The following GHR variants were observed in gnomAD, a reference collection of about 807,000 sequenced individuals.
GHR encodes GH receptor.
A neutral mutation model predicts 67.1 loss-of-function variants in GHR; 35 were observed. The observed-to-expected ratio is 0.52, with a 90% CI of 0.40 to 0.69. The LOEUF (loss-of-function observed/expected upper bound fraction) is 0.69. Ranked by LOEUF, GHR falls within the 30% of genes least tolerant of loss-of-function variation. The pLI is 0.00. For synonymous variants in GHR, 272 were observed against 269.1 expected (o/e 1.01, Z -0.10); for missense variants, 792 against 764.6 (o/e 1.04, Z -0.42).
At chr5:42,636,576 A>G (rs563815840) in intron 3 of GHR, among the ~76,000 whole-genome samples, 2 of 141,168 alleles carry the variant, frequency 1.4e-5, no homozygotes, top group South Asian at 2.1e-4. Context: ...TTCTGCACAC[A>G]TGAGTCTCTC....
At chr5:42,633,989 C>CT (rs1377945482) in intron 3 of GHR, among the ~76,000 whole-genome samples, 1 of 152,110 alleles carries the variant, frequency 6.6e-6, no homozygotes, top group East Asian at 1.9e-4. Context: ...GAATTGTAGC[C>CT]TTTTTTTCCT....
At chr5:42,485,571 G>A (rs1464532650) in intron 1 of GHR, among the ~76,000 whole-genome samples, 1 of 152,158 alleles carries the variant, frequency 6.6e-6, no homozygotes, top group Non-Finnish European at 1.5e-5. Context: ...ACTTCACTCT[G>A]AATATGGTGA....
chr5:42,718,402 A>C lies in GHR; in HGVS notation c.946-51A>C. ...CTGAACATTATTTGCTAATTCATTT[A>C]ATTATTATGAGTTTCTTTTCATAGA... On this transcript the variant is annotated intron_variant, in intron 9 of 9. Coordinates refer to ENST00000230882, the MANE Select transcript of GHR (RefSeq NM_000163.5). 3.0e-6 allele frequency: 4 copies of C among 1,320,516 alleles called. No homozygotes were observed. In the South Asian group the frequency reaches 4.7e-5, roughly 16 times the overall value. 81.8% of individuals were successfully genotyped at this position (1,320,516 alleles called of 1,614,324 possible).
intron 3 of GHR, among the ~76,000 whole-genome samples, chr5:42,681,502 T>A (rs1756868608): frequency 6.6e-6 from 1 of 152,206 alleles, no homozygotes; most frequent in Non-Finnish European, 1.5e-5. Context: ...GCTTTTACAC[T>A]GTTGGTGGGA....
Position 42,665,461 on chromosome 5 carries a change from T to C in GHR, c.137-23429T>C, listed in dbSNP as rs992048283. On this transcript the variant is annotated intron_variant, in intron 3 of 9. Transcript: ENST00000230882. ...GTCCTTTGTAGGGACATGGATGAAATTGGAAATCATCATTCTGAGTAAACT... is the reference window on the plus strand; with the variant it reads ...GTCCTTTGTAGGGACATGGATGAAACTGGAAATCATCATTCTGAGTAAACT... Among the ~76,000 whole-genome samples the C allele has an allele frequency of 3.6e-4, 55 of 151,764 alleles. 1 individual carries two copies. The highest frequency in any genetic ancestry group is 1.3e-3 in the African/African-American group (55 of 41,268).
intron 3 of GHR, among the ~76,000 whole-genome samples, chr5:42,636,641 C>T (rs970312867): frequency 4.6e-5 from 7 of 152,202 alleles, no homozygotes; most frequent in African/African-American, 1.7e-4. Context: ...CTGGCTCCTC[C>T]TAGTGGGGAA....
chr5:42,621,405 G>A (rs1394327950), intron 2 of GHR, among the ~76,000 whole-genome samples: 1 of 152,072 alleles, frequency 6.6e-6, no homozygotes. Flanking sequence ...GTCTGTAATT[G>A]CAAGCGGATA....
chr5:42,579,074 T>TATAGATAG (rs6149005), intron 2 of GHR, among the ~76,000 whole-genome samples: 90 of 123,810 alleles, frequency 7.3e-4, no homozygotes, highest in Admixed American at 2.2e-3. Flanking sequence ...AATCTGACAC[T>TATAGATAG]ATAGATAGAT....
intron 1 of GHR, among the ~76,000 whole-genome samples, chr5:42,474,602 G>A (rs897696133): frequency 6.6e-6 from 1 of 152,082 alleles, no homozygotes; most frequent in African/African-American, 2.4e-5. Context: ...CACGATGGAA[G>A]ATACTGTTTG....
intron 2 of GHR, among the ~76,000 whole-genome samples, chr5:42,578,024 A>C (rs1750859338): frequency 6.6e-6 from 1 of 152,210 alleles, no homozygotes; most frequent in African/African-American, 2.4e-5. Flanking sequence ...GTTTTCAGAA[A>C]GCAAGGGGCT....
chr5:42,587,636 G>A (rs1046089001), intron 2 of GHR, among the ~76,000 whole-genome samples: 1 of 151,930 alleles, frequency 6.6e-6, no homozygotes, highest in African/African-American at 2.4e-5. Context: ...TTTCGTATCG[G>A]AATGTGAACT....
intron 1 of GHR, among the ~76,000 whole-genome samples, chr5:42,447,853 C>T (rs1384104457): frequency 6.6e-6 from 1 of 151,794 alleles, no homozygotes; most frequent in Non-Finnish European, 1.5e-5. Context: ...AACGTCCAAC[C>T]TCTGCCTCCC....
rs1030910933 is a variant in GHR, at chr5:42,667,545, C to T, written c.137-21345C>T. Among the ~76,000 whole-genome samples, 5 of 152,116 alleles carry T rather than the reference C, an allele frequency of 3.3e-5. No individual in the cohort carries two copies. The South Asian group carries it at 1.0e-3, about 32-fold the overall frequency. On this transcript the variant is annotated intron_variant, in intron 3 of 9. Coordinates refer to ENST00000230882, the MANE Select transcript of GHR (RefSeq NM_000163.5). ...AAAATACCAATGCCCAGGCATCACCCCAATCTAATTAAATTAAACCTGTGG... is the reference window on the plus strand; with the variant it reads ...AAAATACCAATGCCCAGGCATCACCTCAATCTAATTAAATTAAACCTGTGG...
intron 2 of GHR, among the ~76,000 whole-genome samples, chr5:42,571,999 C>A (rs75637944): frequency 6.6e-6 from 1 of 152,326 alleles, no homozygotes; most frequent in African/African-American, 2.4e-5. Flanking sequence ...CAGCCTCTAC[C>A]TGAGATCATT....
chr5:42,430,362 A>ACG (rs1243411917), intron 1 of GHR, among the ~76,000 whole-genome samples: 5 of 152,124 alleles, frequency 3.3e-5, no homozygotes, highest in African/African-American at 7.2e-5. Context: ...ACACACACAC[A>ACG]TACACACACA....
At chr5:42,583,985 C>T (rs536236793) in intron 2 of GHR, among the ~76,000 whole-genome samples, 1 of 151,816 alleles carries the variant, frequency 6.6e-6, no homozygotes, top group African/African-American at 2.4e-5. Flanking sequence ...ACTGTGTTCT[C>T]CTACTGTTCC....
chr5:42,678,283 C>T (rs1280525755), intron 3 of GHR, among the ~76,000 whole-genome samples: 1 of 152,156 alleles, frequency 6.6e-6, no homozygotes, highest in East Asian at 1.9e-4. Context: ...TAGCTTCTTT[C>T]AATTGTCATG....
rs574085917 is a variant in GHR, at chr5:42,608,270, T to C, written c.71-20768T>C. ...TAACATCTACACTAGACCACGTTTA[T>C]ATAGGTAATTTAAAAATAAAAAAGA... On this transcript the variant is annotated intron_variant, in intron 2 of 9. Coordinates refer to ENST00000230882, the MANE Select transcript of GHR (RefSeq NM_000163.5). Among the ~76,000 whole-genome samples, 262 of 152,342 alleles carry C rather than the reference T, an allele frequency of 1.7e-3. 1 individual carries two copies. Among genetic ancestry groups the C allele is most frequent in the African/African-American group, 6.1e-3 (253 of 41,578 alleles).
At chr5:42,642,007 A>G (rs143024616) in intron 3 of GHR, among the ~76,000 whole-genome samples, 1 of 152,238 alleles carries the variant, frequency 6.6e-6, no homozygotes, top group East Asian at 1.9e-4. Flanking sequence ...AAAGATACCT[A>G]AGGAGGCAGA....
Sources: allele counts gnomAD v4.1 joint callset (sites outside exome capture counted in the v4.1 genomes callset), GRCh38; gene constraint gnomAD v4.1.1; transcripts MANE v1.5; gene names NCBI Gene and HGNC (gene_info 2026-07-23, HGNC 2026-07-21).